The following AKAP6 variants were observed in gnomAD, a reference collection of about 807,000 sequenced individuals.
AKAP6 encodes A-kinase anchoring protein 6, also known as A-kinase anchor protein 6.
In AKAP6, 58 loss-of-function variants were observed where a neutral mutation model predicts 188.5. That is an observed-to-expected ratio of 0.31 (90% CI 0.25 to 0.38). The LOEUF (loss-of-function observed/expected upper bound fraction) is 0.38, where lower values mean the gene tolerates loss of function less well. Among genes scored for constraint, AKAP6 ranks in the 10% least tolerant of loss-of-function variants. The pLI, the probability that AKAP6 is intolerant of heterozygous loss-of-function variation, is 1.00. For missense variants in AKAP6, 2,710 were observed against 2,740.0 expected, an observed-to-expected ratio of 0.99 and a Z score of 0.24; for synonymous variants, 989 against 998.6, an observed-to-expected ratio of 0.99 and a Z score of 0.18.
intron 8 of AKAP6, among the ~76,000 whole-genome samples, chr14:32,691,883 G>T (rs1179694562): frequency 2.0e-5 from 3 of 152,108 alleles, no homozygotes; most frequent in Non-Finnish European, 4.4e-5. Flanking sequence ...TTATATGTTT[G>T]ATTTCACTAA....
At chr14:32,596,262 C>A (rs990651635) in intron 5 of AKAP6, among the ~76,000 whole-genome samples, 9 of 152,114 alleles carry the variant, frequency 5.9e-5, no homozygotes, top group Non-Finnish European at 8.8e-5. Flanking sequence ...CATGACTATC[C>A]AACTGGGCTA....
intron 4 of AKAP6, among the ~76,000 whole-genome samples, chr14:32,563,842 T>C (rs1236814039): frequency 6.6e-6 from 1 of 152,240 alleles, no homozygotes; most frequent in Non-Finnish European, 1.5e-5. Flanking sequence ...ATAGGGAAAT[T>C]TATGCTATGC....
chr14:32,448,447 CA>C (rs1417105872), intron 2 of AKAP6, among the ~76,000 whole-genome samples: 1 of 152,180 alleles, frequency 6.6e-6, no homozygotes, highest in Non-Finnish European at 1.5e-5. Context: ...TTGTTTTCCT[CA>C]AAGCACATGA....
intron 1 of AKAP6, among the ~76,000 whole-genome samples, chr14:32,376,621 ATC>A (rs1767207150): frequency 6.6e-6 from 1 of 152,244 alleles, no homozygotes. Context: ...CAAAAGAACT[ATC>A]TGTTTCAAAA....
intron 12 of AKAP6, among the ~76,000 whole-genome samples, chr14:32,797,040 CTGA>C (rs1465832296): frequency 6.6e-6 from 1 of 152,210 alleles, no homozygotes; most frequent in African/African-American, 2.4e-5. Flanking sequence ...CTCAACATCA[CTGA>C]TCATTAGAGA....
At chr14:32,781,984 G>A (rs534239806) in intron 12 of AKAP6, among the ~76,000 whole-genome samples, 57 of 152,050 alleles carry the variant, frequency 3.7e-4, no homozygotes, top group African/African-American at 1.3e-3. Flanking sequence ...TCAACATGGC[G>A]AAACCCCCAT....
chr14:32,537,935 C>T (rs1199759368), intron 3 of AKAP6, among the ~76,000 whole-genome samples: 1 of 152,234 alleles, frequency 6.6e-6, no homozygotes, highest in Non-Finnish European at 1.5e-5. Flanking sequence ...TCTCACAACA[C>T]GAACTCAGCA....
chr14:32,454,695 C>T (rs142925730), intron 2 of AKAP6, among the ~76,000 whole-genome samples: 1 of 63,008 alleles, frequency 1.6e-5, no homozygotes, highest in African/African-American at 6.3e-5. Context: ...TTCCCTCCCT[C>T]CCTCCCTCCC....
intron 2 of AKAP6, among the ~76,000 whole-genome samples, chr14:32,523,412 T>C (rs2139069671): frequency 6.6e-6 from 1 of 152,036 alleles, no homozygotes; most frequent in African/African-American, 2.4e-5. Flanking sequence ...ACTAAAATAG[T>C]TGATATCACC....
intron 12 of AKAP6, among the ~76,000 whole-genome samples, chr14:32,820,126 G>T (rs2034482164): frequency 6.6e-6 from 1 of 151,974 alleles, no homozygotes; most frequent in Non-Finnish European, 1.5e-5. Context: ...CTTGTCCAAG[G>T]TCATGCATAT....
chr14:32,624,046 C>T (rs144193235), intron 7 of AKAP6, among the ~76,000 whole-genome samples: 8 of 152,042 alleles, frequency 5.3e-5, no homozygotes, highest in Admixed American at 2.6e-4. Context: ...GAAAATGCAG[C>T]GGGATGGCCT....
At chr14:32,478,362 A>G (rs1289252678) in intron 2 of AKAP6, among the ~76,000 whole-genome samples, 2 of 152,202 alleles carry the variant, frequency 1.3e-5, no homozygotes, top group South Asian at 2.1e-4. Context: ...TCCATCTGCT[A>G]AACAGATGAC....
At position 32,823,224 on chromosome 14, in the gene AKAP6, C is replaced by T. The variant is rs1179945102; in HGVS notation, c.5411C>T (p.Thr1804Ile). Residue 1804 changes from threonine to isoleucine, a missense_variant, in exon 13 of 14, where the codon ACC becomes ATC. Thr to Ile is a moderately conservative substitution (Grantham distance 89). Coordinates refer to ENST00000280979, the MANE Select transcript of AKAP6 (RefSeq NM_004274.5). ...GACTACATAAAGAATGAATTACAGA[C>T]CTGGATTAGGCCAAAATTGTCTTTG... is the stretch of plus-strand genomic sequence containing the variant. ...GLDYIKNELQ[T>I]WIRPKLSLTR... The T allele has an allele frequency of 2.5e-6, 4 of 1,613,636 alleles. No homozygotes were observed. The Admixed American group carries it at 6.7e-5, about 27-fold the overall frequency.
intron 1 of AKAP6, among the ~76,000 whole-genome samples, chr14:32,335,880 A>T (rs11849501): frequency 0.22 from 26,423 of 120,706 alleles, 3,476 homozygotes; most frequent in East Asian, 0.36. Context: ...CTCTCTCTCC[A>T]GGAGGCCAGA....
chr14:32,495,518 A>T (rs1165712851), intron 2 of AKAP6: 3 of 152,176 alleles, frequency 2.0e-5, no homozygotes, highest in African/African-American at 7.2e-5. Flanking sequence ...TAGCACGTTT[A>T]TGTTAGTGGA....
At chr14:32,705,596 A>T (rs1890780808) in intron 9 of AKAP6, among the ~76,000 whole-genome samples, 1 of 152,116 alleles carries the variant, frequency 6.6e-6, no homozygotes, top group African/African-American at 2.4e-5. Context: ...AGGGATCTTG[A>T]TTATTTTCCT....
chr14:32,718,083 A>G (rs1046747045), intron 9 of AKAP6, among the ~76,000 whole-genome samples: 1 of 152,146 alleles, frequency 6.6e-6, no homozygotes, highest in East Asian at 1.9e-4. Context: ...TATTTTCAAG[A>G]GCAGTAGTAT....
chr14:32,580,668 G>A (rs550997535), intron 5 of AKAP6, among the ~76,000 whole-genome samples: 58 of 152,074 alleles, frequency 3.8e-4, no homozygotes, highest in Non-Finnish European at 6.6e-4. Context: ...TTGTCATTTA[G>A]CATTAGGTAT....
intron 5 of AKAP6, among the ~76,000 whole-genome samples, chr14:32,580,987 A>G (rs1379782551): frequency 6.6e-6 from 1 of 152,084 alleles, no homozygotes; most frequent in Admixed American, 6.5e-5. Flanking sequence ...AGTCTTTGCT[A>G]TTGTGAATAG....
Sources: gnomAD v4.1 joint callset for allele counts (sites outside exome capture counted in the v4.1 genomes callset) on GRCh38, gnomAD v4.1.1 for gene constraint, MANE v1.5 for transcripts, NCBI Gene and HGNC (gene_info 2026-07-23, HGNC 2026-07-21) for gene names.